CNTNAP3B: variants seen among roughly 807,000 people sequenced by gnomAD.
The protein encoded by CNTNAP3B is contactin associated protein family member 3B.
Under a neutral mutation model 108.9 loss-of-function variants are expected in CNTNAP3B, and 25 were observed. The observed-to-expected ratio is 0.23, with a 90% CI of 0.17 to 0.32. The LOEUF (loss-of-function observed/expected upper bound fraction) is 0.32. Among genes scored for constraint, CNTNAP3B ranks in the 10% least tolerant of loss-of-function variants. The pLI is 1.00. For synonymous variants in CNTNAP3B, 103 were observed against 473.4 expected, an observed-to-expected ratio of 0.22 and a Z score of 10.16; for missense variants, 252 against 1,210.4, an observed-to-expected ratio of 0.21 and a Z score of 11.75.
Position 41,953,299 on chromosome 9 carries a change from A to G in CNTNAP3B, c.1964T>C (p.Val655Ala). Residue 655 changes from valine to alanine, a missense_variant, in exon 13 of 24, where the codon GTG (valine) becomes GCG (alanine). Physicochemically the swap from Val to Ala is moderately conservative, Grantham distance 64. Coordinates refer to ENST00000377561, the MANE Select transcript of CNTNAP3B (RefSeq NM_001201380.3). ...CGCGCCCGCTGCGTACGCGAAGGAC[A>G]CAGCCGAGAGCGGGTGCCCGCTGGG... ...GAPSGHPLSA[V>A]SFAYAAGAGQ... 6.5e-7 allele frequency: 1 copy of G among 1,534,366 alleles called. No individual in the cohort carries two copies. Among genetic ancestry groups the G allele is most frequent in the Non-Finnish European group, 8.7e-7 (1 of 1,148,684 alleles).
intron 4 of CNTNAP3B, among the ~76,000 whole-genome samples, chr9:42,003,169 A>G (rs1587192756): frequency 7.1e-6 from 1 of 139,910 alleles, no homozygotes. Flanking sequence ...GATTACAGGC[A>G]TAAGCCACCC....
chr9:42,116,039 C>T lies in CNTNAP3B; in HGVS notation c.86-11300G>A, dbSNP rs1209471644. Among the ~76,000 whole-genome samples the T allele has an allele frequency of 5.0e-5, 7 of 139,498 alleles. 2 individuals are homozygous for T. The highest frequency in any genetic ancestry group is 9.2e-5 in the Non-Finnish European group (6 of 65,082). The allele number at this position is 139,498 out of a possible 152,430, so 91.5% of individuals were successfully genotyped here. A position where few individuals can be genotyped will look rare whatever the true frequency, so the allele number is the denominator to read the frequency against. The stretch of plus-strand genomic sequence containing the variant: ...GAAGACCTTAAATGACCAGATGGAG[C>T]TGAAAACCATGGCACTAGAACTACA... On this transcript the variant is annotated intron_variant, in intron 1 of 23. Transcript: ENST00000377561.
chr9:41,969,371 T>G (rs1316315836), intron 10 of CNTNAP3B, among the ~76,000 whole-genome samples: 1 of 148,848 alleles, frequency 6.7e-6, no homozygotes, highest in Non-Finnish European at 1.5e-5. Context: ...ATTCAAACTT[T>G]TCTAGCAGAA....
Position 42,012,241 on chromosome 9 carries a change from A to G in CNTNAP3B, c.538+1137T>C, listed in dbSNP as rs1457010729. On this transcript the variant is annotated intron_variant, in intron 4 of 23. Coordinates refer to ENST00000377561, the MANE Select transcript of CNTNAP3B (RefSeq NM_001201380.3). ...CAAAGAGAAATTCTAAATATCAGAC[A>G]TCTTAGCCATTGAAACAGAGAGCAC... 1.7e-5 allele frequency among the ~76,000 whole-genome samples: 2 copies of G among 120,164 alleles called. 1 individual carries two copies. Among genetic ancestry groups the G allele is most frequent in the Non-Finnish European group, 3.5e-5 (2 of 57,514 alleles). The allele number at this position is 120,164 out of a possible 152,430, so 78.8% of individuals were successfully genotyped here. A position where few individuals can be genotyped will look rare whatever the true frequency, so the allele number is the denominator to read the frequency against.
chr9:41,923,471 A>G (rs1823723233), intron 16 of CNTNAP3B, among the ~76,000 whole-genome samples: 1 of 152,228 alleles, frequency 6.6e-6, no homozygotes, highest in Non-Finnish European at 1.5e-5. Context: ...TCTCTTAAAA[A>G]TGATTACTGG....
At chr9:41,919,921 A>G in intron 18 of CNTNAP3B, 149 bp downstream of exon 18, 1 of 593,270 alleles carries the variant, frequency 1.7e-6, no homozygotes, top group Non-Finnish European at 3.0e-6. Flanking sequence ...ATCCCTTCTA[A>G]ATTCAATAGA....
At chr9:41,966,618 AC>A (rs1209263524) in intron 10 of CNTNAP3B, among the ~76,000 whole-genome samples, 1 of 152,290 alleles carries the variant, frequency 6.6e-6, no homozygotes, top group East Asian at 1.9e-4. Context: ...CATGTGGTAT[AC>A]AGGGCAAACC....
chr9:41,975,306 G>A (rs1825504990), intron 9 of CNTNAP3B: 1 of 133,640 alleles, frequency 7.5e-6, no homozygotes, highest in Non-Finnish European at 1.6e-5. Context: ...TGGTGAAGGG[G>A]AGGTGGAAGA....
chr9:42,042,020 G>A (rs563658515), intron 3 of CNTNAP3B, among the ~76,000 whole-genome samples: 1 of 121,926 alleles, frequency 8.2e-6, no homozygotes, highest in African/African-American at 3.3e-5. Context: ...CTCACTCATA[G>A]GTGGGAATTG....
At chr9:41,930,735 C>G (rs1453060129) in intron 14 of CNTNAP3B, among the ~76,000 whole-genome samples, 2 of 152,282 alleles carry the variant, frequency 1.3e-5, no homozygotes, top group African/African-American at 4.8e-5. Flanking sequence ...CGTCTGTGTC[C>G]AATACAAAGA....
chr9:41,963,433 T>C (rs1204590381), intron 11 of CNTNAP3B, among the ~76,000 whole-genome samples: 2 of 150,300 alleles, frequency 1.3e-5, no homozygotes, highest in African/African-American at 5.0e-5. Context: ...TATAACAGGT[T>C]AGAGTTCAAT....
chr9:41,928,608 C>G (rs1267887940), intron 15 of CNTNAP3B, among the ~76,000 whole-genome samples: 2 of 152,282 alleles, frequency 1.3e-5, no homozygotes, highest in African/African-American at 2.4e-5. Flanking sequence ...GTTGAACCAC[C>G]CCTCTCAGAA....
intron 3 of CNTNAP3B, among the ~76,000 whole-genome samples, chr9:42,054,614 G>A (rs1194076374): frequency 6.6e-6 from 1 of 151,656 alleles, no homozygotes; most frequent in Non-Finnish European, 1.5e-5. Flanking sequence ...ATCACGTGAT[G>A]GTCAAGGACT....
At chr9:41,958,243 G>A (rs1824933689) in intron 12 of CNTNAP3B, among the ~76,000 whole-genome samples, 1 of 152,306 alleles carries the variant, frequency 6.6e-6, no homozygotes, top group Non-Finnish European at 1.5e-5. Context: ...AAGTAGCTGG[G>A]ACTACAGATA....
intron 17 of CNTNAP3B, among the ~76,000 whole-genome samples, chr9:41,922,264 G>T (rs1411455085): frequency 8.0e-6 from 1 of 124,360 alleles, no homozygotes; most frequent in Non-Finnish European, 1.7e-5. Context: ...AAGAGATCAC[G>T]ACCATCCTGG....
chr9:42,038,663 C>T (rs1042215253), intron 3 of CNTNAP3B, among the ~76,000 whole-genome samples: 4 of 103,032 alleles, frequency 3.9e-5, no homozygotes, highest in Admixed American at 1.0e-4. Flanking sequence ...ACTTAGACTC[C>T]CACACAATAA....
At chr9:41,933,063 A>G (rs1363528728) in intron 14 of CNTNAP3B, among the ~76,000 whole-genome samples, 34 of 152,382 alleles carry the variant, frequency 2.2e-4, no homozygotes, top group African/African-American at 8.2e-4. Context: ...TAATTTCCAT[A>G]TGAATTTTAA....
intron 2 of CNTNAP3B, among the ~76,000 whole-genome samples, chr9:42,098,924 C>T (rs895099198): frequency 1.5e-5 from 2 of 133,384 alleles, no homozygotes; most frequent in African/African-American, 6.0e-5. Flanking sequence ...CACAGGCAGC[C>T]TGATACCTGG....
intron 12 of CNTNAP3B, among the ~76,000 whole-genome samples, chr9:41,958,659 G>C (rs1373608955): frequency 1.3e-5 from 2 of 151,920 alleles, no homozygotes; most frequent in Non-Finnish European, 2.9e-5. Flanking sequence ...AGGATGGCCA[G>C]AGGTGGGTAA....
Sources: gnomAD v4.1 joint callset for allele counts (sites outside exome capture counted in the v4.1 genomes callset) on GRCh38, gnomAD v4.1.1 for gene constraint, MANE v1.5 for transcripts, NCBI Gene and HGNC (gene_info 2026-07-23, HGNC 2026-07-21) for gene names.